Variants in CTTNBP2NL observed in about 807,000 individuals in gnomAD.
The protein encoded by CTTNBP2NL is CTTNBP2 N-terminal like.
In CTTNBP2NL, 16 loss-of-function variants were observed where a neutral mutation model predicts 32.5. The ratio of observed to expected loss-of-function variants is 0.49; its 90% confidence interval spans 0.33 to 0.75. The LOEUF is 0.75. Ranked by LOEUF, CTTNBP2NL falls within the 30% of genes least tolerant of loss-of-function variation. The pLI is 0.02. For missense variants in CTTNBP2NL, 645 were observed against 756.0 expected (o/e 0.85, Z 1.72); for synonymous variants, 298 against 289.4 (o/e 1.03, Z -0.30).
chr1:112,426,275 G>C (rs1457550563), intron 3 of CTTNBP2NL, among the ~76,000 whole-genome samples: 6 of 152,114 alleles, frequency 3.9e-5, no homozygotes, highest in Admixed American at 1.3e-4. Flanking sequence ...GAAGTATTGT[G>C]TGAAAGAGAG....
At chr1:112,442,579 T>G (rs1649925576) in intron 3 of CTTNBP2NL, among the ~76,000 whole-genome samples, 1 of 151,378 alleles carries the variant, frequency 6.6e-6, no homozygotes, top group African/African-American at 2.4e-5. Flanking sequence ...ACTGAACAAG[T>G]AAGAACAAAA....
At chr1:112,404,105 A>T (rs1163032927) in intron 1 of CTTNBP2NL, among the ~76,000 whole-genome samples, 1 of 152,216 alleles carries the variant, frequency 6.6e-6, no homozygotes, top group Non-Finnish European at 1.5e-5. Context: ...GGTTAAATGG[A>T]TGAAAGAGCA....
intron 1 of CTTNBP2NL, chr1:112,396,487 C>T (rs1458389423): frequency 1.3e-5 from 2 of 152,228 alleles, no homozygotes; most frequent in Admixed American, 6.5e-5. Context: ...TTTTGTCCCT[C>T]GTCGATTCCC....
At chr1:112,444,945 C>G (rs1649995211) in intron 3 of CTTNBP2NL, among the ~76,000 whole-genome samples, 1 of 152,156 alleles carries the variant, frequency 6.6e-6, no homozygotes, top group South Asian at 2.1e-4. Context: ...GTCTGTGTGA[C>G]TGATAGAATA....
At chr1:112,429,266 T>G (rs534363679) in intron 3 of CTTNBP2NL, among the ~76,000 whole-genome samples, 4 of 152,364 alleles carry the variant, frequency 2.6e-5, no homozygotes, top group East Asian at 3.9e-4. Context: ...CATTAAAAAC[T>G]GTACCTGTAA....
chr1:112,398,390 G>C (rs1180994319), intron 1 of CTTNBP2NL, among the ~76,000 whole-genome samples: 1 of 151,910 alleles, frequency 6.6e-6, no homozygotes, highest in Non-Finnish European at 1.5e-5. Flanking sequence ...ATTCTTTGAG[G>C]GCAGATAGTA....
chr1:112,444,762 T>C (rs187967837), intron 3 of CTTNBP2NL, among the ~76,000 whole-genome samples: 280 of 152,328 alleles, frequency 1.8e-3, no homozygotes, highest in Middle Eastern at 0.01. Context: ...AACTCAGCTT[T>C]GATAGTTTTG....
intron 3 of CTTNBP2NL, 162 bp downstream of exon 3, chr1:112,416,426 G>A (rs752652340): frequency 2.0e-4 from 105 of 529,458 alleles, no homozygotes; most frequent in Middle Eastern, 4.9e-4. Flanking sequence ...TGTTATTAGG[G>A]ACACTGGTGA....
intron 1 of CTTNBP2NL, among the ~76,000 whole-genome samples, chr1:112,400,071 A>C (rs1205057827): frequency 6.6e-6 from 1 of 152,234 alleles, no homozygotes; most frequent in East Asian, 1.9e-4. Context: ...CTTCATCTCA[A>C]AAAATAAAAA....
intron 1 of CTTNBP2NL, among the ~76,000 whole-genome samples, chr1:112,406,495 A>G (rs1194872286): frequency 1.3e-5 from 2 of 152,190 alleles, no homozygotes; most frequent in East Asian, 1.9e-4. Context: ...TCTATGCCTC[A>G]GGTTTCTCAT....
At chr1:112,410,211 G>A (rs1410681090) in intron 1 of CTTNBP2NL, among the ~76,000 whole-genome samples, 1 of 152,140 alleles carries the variant, frequency 6.6e-6, no homozygotes, top group Non-Finnish European at 1.5e-5. Flanking sequence ...TGACCAACAT[G>A]GAGAAACCCC....
chr1:112,392,456 T>C (rs1357395906), upstream of CTTNBP2NL, among the ~76,000 whole-genome samples: 1 of 152,224 alleles, frequency 6.6e-6, no homozygotes, highest in Admixed American at 6.5e-5. Flanking sequence ...CTTTTATCAA[T>C]GAACTTAAAT....
chr1:112,411,832 G>A (rs1011670804), intron 1 of CTTNBP2NL, among the ~76,000 whole-genome samples: 6 of 152,054 alleles, frequency 3.9e-5, no homozygotes, highest in Non-Finnish European at 5.9e-5. Flanking sequence ...ACAGGCACCC[G>A]CCACCACGCC....
At chr1:112,455,800 TA>T in intron 5 of CTTNBP2NL, 130 bp from the exon 6 acceptor site, 1 of 671,364 alleles carries the variant, frequency 1.5e-6, no homozygotes, top group Non-Finnish European at 2.5e-6. Flanking sequence ...TTAGGTGTTC[TA>T]AAATTTCAGA....
intron 3 of CTTNBP2NL, among the ~76,000 whole-genome samples, chr1:112,418,488 T>C (rs549564080): frequency 1.3e-5 from 2 of 152,256 alleles, no homozygotes. Context: ...AATCTAATTG[T>C]TATGGAGGGG....
chr1:112,445,503 T>A (rs993088042), intron 3 of CTTNBP2NL, among the ~76,000 whole-genome samples: 1 of 152,224 alleles, frequency 6.6e-6, no homozygotes, highest in African/African-American at 2.4e-5. Context: ...CAGTGTTTGA[T>A]ATAATAAATA....
chr1:112,425,395 T>C (rs1195207195), intron 3 of CTTNBP2NL, among the ~76,000 whole-genome samples: 1 of 152,054 alleles, frequency 6.6e-6, no homozygotes, highest in Non-Finnish European at 1.5e-5. Context: ...CACTTGAACC[T>C]GGGAGGCAAA....
At chr1:112,394,493 C>T (rs1648263309), upstream of CTTNBP2NL, among the ~76,000 whole-genome samples, 1 of 152,190 alleles carries the variant, frequency 6.6e-6, no homozygotes, top group Non-Finnish European at 1.5e-5. Context: ...CTACTCTGTG[C>T]CTGGCCCCTC....
chr1:112,436,513 C>G (rs188584648), intron 3 of CTTNBP2NL, among the ~76,000 whole-genome samples: 119 of 152,178 alleles, frequency 7.8e-4, no homozygotes, highest in African/African-American at 2.7e-3. Context: ...TCCTCTTTAG[C>G]ACACTTCTTT....
Sources: allele counts gnomAD v4.1 joint callset (sites outside exome capture counted in the v4.1 genomes callset), GRCh38; gene constraint gnomAD v4.1.1; transcripts MANE v1.5; gene names NCBI Gene and HGNC (gene_info 2026-07-23, HGNC 2026-07-21).